Variants in QRICH1 observed in about 807,000 individuals in gnomAD.
The protein encoded by QRICH1 is glutamine rich 1, also known as transcriptional regulator QRICH1.
QRICH1 carries 16 observed loss-of-function variants against 87.1 expected under a neutral mutation model. The ratio of observed to expected loss-of-function variants is 0.18; its 90% CI spans 0.12 to 0.28. QRICH1 has a LOEUF of 0.28. QRICH1 is among the 10% of genes least tolerant of loss of function. The probability of loss-of-function intolerance (pLI) is 1.00; values close to 1 mark genes in which losing one functional copy is unlikely to be tolerated. For synonymous variants in QRICH1, 367 were observed against 368.4 expected, an observed-to-expected ratio of 1.00 and a Z score of 0.05; for missense variants, 647 against 951.7, an observed-to-expected ratio of 0.68 and a Z score of 4.21.
At chr3:49,056,654 T>C in intron 3 of QRICH1, 1 of 929,684 alleles carries the variant, frequency 1.1e-6, no homozygotes, top group Non-Finnish European at 1.6e-6. Flanking sequence ...TTCCTGGCCA[T>C]CTCATTTACC....
chr3:49,063,610 G>A (rs1189513157), intron 2 of QRICH1, among the ~76,000 whole-genome samples: 1 of 152,124 alleles, frequency 6.6e-6, no homozygotes, highest in Non-Finnish European at 1.5e-5. Flanking sequence ...GCAACATAGT[G>A]ACACCCCTAT....
chr3:49,059,445 CAG>C (rs1025019103), intron 2 of QRICH1, among the ~76,000 whole-genome samples: 3 of 144,770 alleles, frequency 2.1e-5, no homozygotes, highest in South Asian at 4.4e-4. Context: ...TTTTTTTAGA[CAG>C]AGTCTCGCTG....
intron 4 of QRICH1, 144 bp downstream of exon 4, chr3:49,046,925 C>T: frequency 9.7e-7 from 1 of 1,025,946 alleles, no homozygotes; most frequent in Non-Finnish European, 1.4e-6. Flanking sequence ...CTGCTTGTTA[C>T]TAGGCTTGAA....
Position 49,056,988 on chromosome 3 carries a change from G to C in QRICH1, c.1212C>G (p.Gly404=), listed in dbSNP as rs760989425. 2 of 1,614,076 alleles carry C rather than the reference G, an allele frequency of 1.2e-6. No individual in the cohort carries two copies. Among genetic ancestry groups the C allele is most frequent in the East Asian group, 2.2e-5 (1 of 44,900 alleles). Residue 404 remains glycine, a synonymous_variant, in exon 3 of 10, where the codon GGC becomes GGG. Coordinates refer to ENST00000395443, the MANE Select transcript of QRICH1 (RefSeq NM_198880.3). ...CAGTTTGAGCCGTATTCTGGTACGT[G>C]CCTGCCACAGCCTGCACAGCCACTG... is the stretch of plus-strand genomic sequence containing the variant. The part of the protein sequence containing the change: ...HIPVAVQAVA[G]TYQNTAQTVH...
chr3:49,062,626 G>A (rs1320077219), intron 2 of QRICH1, among the ~76,000 whole-genome samples: 1 of 151,172 alleles, frequency 6.6e-6, no homozygotes, highest in South Asian at 2.1e-4. Flanking sequence ...CTCCCAAAGT[G>A]CTGGGATTAC....
chr3:49,053,082 T>C (rs2093380549), intron 3 of QRICH1, among the ~76,000 whole-genome samples: 1 of 151,944 alleles, frequency 6.6e-6, no homozygotes, highest in South Asian at 2.1e-4. Context: ...CTCAGGAACA[T>C]CAACATGTAT....
At chr3:49,038,528 C>A (rs1172135085) in intron 6 of QRICH1, among the ~76,000 whole-genome samples, 1 of 151,988 alleles carries the variant, frequency 6.6e-6, no homozygotes, top group East Asian at 1.9e-4. Flanking sequence ...GATTCTCCTG[C>A]CTCAGCCTCC....
chr3:49,034,967 T>C (rs2093265918), intron 6 of QRICH1, among the ~76,000 whole-genome samples: 1 of 152,224 alleles, frequency 6.6e-6, no homozygotes. Context: ...TCTTCTGTGT[T>C]CTATGCTCTT....
chr3:49,040,799 T>A (rs1206985293), intron 6 of QRICH1, among the ~76,000 whole-genome samples: 1 of 152,236 alleles, frequency 6.6e-6, no homozygotes, highest in Non-Finnish European at 1.5e-5. Context: ...TGCCAAATTG[T>A]CTTCCAAAGT....
chr3:49,084,903 C>T (rs1251554263), intron 1 of QRICH1, among the ~76,000 whole-genome samples: 1 of 152,252 alleles, frequency 6.6e-6, no homozygotes, highest in African/African-American at 2.4e-5. Context: ...AATCCCAGCA[C>T]TTTCCGAGGC....
At chr3:49,059,559 A>G (rs1342435194) in intron 2 of QRICH1, among the ~76,000 whole-genome samples, 1 of 150,776 alleles carries the variant, frequency 6.6e-6, no homozygotes, top group South Asian at 2.1e-4. Flanking sequence ...AGCTGGGACT[A>G]CAGACGCATG....
At chr3:49,056,813 G>T in intron 3 of QRICH1, 49 bp downstream of exon 3, 1 of 1,613,470 alleles carries the variant, frequency 6.2e-7, no homozygotes. Flanking sequence ...GTGCTGCACT[G>T]GGCCCTGAGG....
At chr3:49,060,917 G>A (rs1257421853) in intron 2 of QRICH1, among the ~76,000 whole-genome samples, 1 of 151,652 alleles carries the variant, frequency 6.6e-6, no homozygotes, top group African/African-American at 2.4e-5. Flanking sequence ...GATCACTTGA[G>A]GCCAGGAGTT....
intron 3 of QRICH1, among the ~76,000 whole-genome samples, chr3:49,048,477 TAAAA>T (rs1019786820): frequency 4.5e-5 from 6 of 132,516 alleles, no homozygotes; most frequent in Non-Finnish European, 8.1e-5. Flanking sequence ...TGGATTGCTT[TAAAA>T]AAAAAAAAAA....
chr3:49,077,666 T>C (rs1173233272), intron 1 of QRICH1, among the ~76,000 whole-genome samples: 1 of 152,230 alleles, frequency 6.6e-6, no homozygotes, highest in African/African-American at 2.4e-5. Flanking sequence ...CCCAACTTTA[T>C]GTCTCCTTTA....
At chr3:49,091,392 GAAAGCATATCCAAAAAAA>G (rs1160450209) in intron 1 of QRICH1, among the ~76,000 whole-genome samples, 1 of 151,506 alleles carries the variant, frequency 6.6e-6, no homozygotes, top group Non-Finnish European at 1.5e-5. Flanking sequence ...TAAACTAAAA[GAAAGCATATCCAAAAAAA>G]AAAGCATATC....
intron 1 of QRICH1, chr3:49,083,227 G>GA (rs1559955252): frequency 6.8e-6 from 1 of 146,750 alleles, no homozygotes; most frequent in East Asian, 2.2e-4. Flanking sequence ...AAAAGGGGGG[G>GA]GGGGAGCCTG....
chr3:49,091,642 G>GC (rs778451517), intron 1 of QRICH1, among the ~76,000 whole-genome samples: 41 of 152,164 alleles, frequency 2.7e-4, no homozygotes, highest in Admixed American at 2.7e-3. Flanking sequence ...GAGAGGACCC[G>GC]AAGGAAGACA....
intron 1 of QRICH1, among the ~76,000 whole-genome samples, chr3:49,091,586 T>G (rs2042275450): frequency 6.6e-6 from 1 of 152,182 alleles, no homozygotes; most frequent in Admixed American, 6.6e-5. Flanking sequence ...GGAGAGAGGA[T>G]GTGGAACTGC....
Sources: gnomAD v4.1 joint callset for allele counts (sites outside exome capture counted in the v4.1 genomes callset) on GRCh38, gnomAD v4.1.1 for gene constraint, MANE v1.5 for transcripts, NCBI Gene and HGNC (gene_info 2026-07-23, HGNC 2026-07-21) for gene names.